The following CCSER1 variants were observed in gnomAD, a reference collection of about 807,000 sequenced individuals.
CCSER1 encodes the protein coiled-coil serine rich protein 1.
CCSER1 carries 41 observed loss-of-function variants against 82.0 expected under a neutral mutation model. The ratio of observed to expected loss-of-function variants is 0.50; its 90% confidence interval spans 0.39 to 0.65. The LOEUF is 0.65. Among genes scored for constraint, CCSER1 ranks in the 30% least tolerant of loss-of-function variants. The probability of loss-of-function intolerance (pLI) is 0.00; values close to 1 mark genes in which losing one functional copy is unlikely to be tolerated. For synonymous variants in CCSER1, 414 were observed against 383.9 expected (o/e 1.08, Z -0.92); for missense variants, 1,119 against 1,064.2 (o/e 1.05, Z -0.72).
intron 10 of CCSER1, among the ~76,000 whole-genome samples, chr4:91,463,358 C>T (rs1253708530): frequency 6.6e-6 from 1 of 152,068 alleles, no homozygotes; most frequent in Non-Finnish European, 1.5e-5. Flanking sequence ...CCCATCTGGA[C>T]GTCACCATCA....
In CCSER1 at chr4:91,513,421, T is replaced by A. The variant is rs56770336; in HGVS notation, c.2218-85151T>A. Among the ~76,000 whole-genome samples the A allele has an allele frequency of 1.1e-3, 166 of 152,250 alleles. 1 individual carries two copies. The highest frequency in any genetic ancestry group is 3.8e-3 in the African/African-American group (158 of 41,576). ...TCAGCAGGGATATTAGCCTGTGGTT[T>A]TCCTTTTCCCATGAGTCTTTGCCAG... is the stretch of plus-strand genomic sequence containing the variant. On this transcript the variant is annotated intron_variant, in intron 10 of 10. Coordinates refer to ENST00000509176, the MANE Select transcript of CCSER1 (RefSeq NM_001145065.2).
chr4:91,522,919 G>C lies in CCSER1; in HGVS notation c.2218-75653G>C, dbSNP rs569134962. On this transcript the variant is annotated intron_variant, in intron 10 of 10. Transcript: ENST00000509176. The stretch of plus-strand genomic sequence containing the variant: ...GAACTTCCAATACTATGTTGAATAA[G>C]AGTGGTGAGAGAGGGCATCCCTGTC... 2.0e-4 allele frequency among the ~76,000 whole-genome samples: 31 copies of C among 152,264 alleles called. 1 individual carries two copies. In the South Asian group the frequency reaches 5.8e-3, roughly 28 times the overall value.
chr4:90,134,569 G>A (rs555569908), intron 1 of CCSER1, among the ~76,000 whole-genome samples: 4 of 152,288 alleles, frequency 2.6e-5, no homozygotes, highest in East Asian at 1.9e-4. Flanking sequence ...GAATGTGTGC[G>A]TTCATGCAGA....
chr4:90,994,142 T>C (rs1481945022), intron 9 of CCSER1, among the ~76,000 whole-genome samples: 2 of 151,902 alleles, frequency 1.3e-5, no homozygotes, highest in Non-Finnish European at 2.9e-5. Context: ...GAGGCTGTAG[T>C]GCATTATCAT....
chr4:90,761,118 C>G (rs1750347504), intron 7 of CCSER1, among the ~76,000 whole-genome samples: 1 of 152,088 alleles, frequency 6.6e-6, no homozygotes, highest in Non-Finnish European at 1.5e-5. Context: ...CCTTAACAGT[C>G]ACTGATAGAT....
intron 3 of CCSER1, among the ~76,000 whole-genome samples, chr4:90,380,596 A>G (rs984837202): frequency 2.0e-5 from 3 of 152,188 alleles, no homozygotes; most frequent in African/African-American, 7.2e-5. Flanking sequence ...CAAGTTATTT[A>G]TTCCCTTATT....
chr4:91,107,686 G>T (rs1160339782), intron 10 of CCSER1, among the ~76,000 whole-genome samples: 2 of 143,056 alleles, frequency 1.4e-5, no homozygotes, highest in African/African-American at 5.2e-5. Flanking sequence ...AAATTCGAAT[G>T]ATAAAAGCAC....
intron 10 of CCSER1, among the ~76,000 whole-genome samples, chr4:91,210,328 C>T (rs1340617870): frequency 1.3e-5 from 2 of 150,786 alleles, no homozygotes; most frequent in East Asian, 3.9e-4. Context: ...ATCTATGCTG[C>T]TATCAGTAAA....
intron 10 of CCSER1, among the ~76,000 whole-genome samples, chr4:91,266,408 T>C (rs1741587075): frequency 6.6e-6 from 1 of 152,100 alleles, no homozygotes; most frequent in Non-Finnish European, 1.5e-5. Flanking sequence ...CCCGCCACCA[T>C]GCCCTGCTAA....
chr4:90,600,877 A>C (rs7666019), intron 5 of CCSER1, among the ~76,000 whole-genome samples: 76,303 of 151,676 alleles, frequency 0.5, 23,336 homozygotes, highest in African/African-American at 0.87. Context: ...TCTTTATATA[A>C]GCAATATTTT....
chr4:90,363,207 A>C (rs930911649), intron 3 of CCSER1, among the ~76,000 whole-genome samples: 2 of 152,188 alleles, frequency 1.3e-5, no homozygotes, highest in African/African-American at 4.8e-5. Context: ...TACAAATTCT[A>C]GATTGCTTCT....
At position 91,049,774 on chromosome 4, in the gene CCSER1, T is replaced by G. The variant is rs189725601; in HGVS notation, c.2173-36176T>G. On this transcript the variant is annotated intron_variant, in intron 9 of 10. Coordinates refer to ENST00000509176, the MANE Select transcript of CCSER1 (RefSeq NM_001145065.2). ...GTAGATGATTAACAAGTATCAATTT[T>G]ATGCAATTTTATGAAATACTTCTTT... Among the ~76,000 whole-genome samples the G allele has an allele frequency of 3.9e-5, 6 of 152,364 alleles. No homozygotes were observed. In the East Asian group the frequency reaches 1.2e-3, roughly 29 times the overall value.
intron 10 of CCSER1, among the ~76,000 whole-genome samples, chr4:91,115,462 G>A (rs940668143): frequency 2.6e-5 from 4 of 152,018 alleles, no homozygotes; most frequent in Admixed American, 1.3e-4. Context: ...AAGTGGTTGG[G>A]ACTACAGGTG....
At chr4:90,658,274 T>TA (rs1730100569) in intron 6 of CCSER1, among the ~76,000 whole-genome samples, 1 of 152,192 alleles carries the variant, frequency 6.6e-6, no homozygotes, top group East Asian at 1.9e-4. Flanking sequence ...CTAACATTAT[T>TA]AACTTTCTGC....
chr4:91,482,174 G>A (rs1466877515), intron 10 of CCSER1, among the ~76,000 whole-genome samples: 12 of 148,648 alleles, frequency 8.1e-5, no homozygotes, highest in African/African-American at 1.5e-4. Context: ...AGGCTGAGGC[G>A]GGTGGATCAT....
At chr4:90,879,564 AGAAGAGGAAGAAGAAGAAGAGGAG>A (rs1423966122) in intron 8 of CCSER1, among the ~76,000 whole-genome samples, 3 of 91,528 alleles carry the variant, frequency 3.3e-5, no homozygotes, top group Non-Finnish European at 5.0e-5. Flanking sequence ...AGGAAGAAGA[AGAAGAGGAAGAAGAAGAAGAGGAG>A]GAGGAGGAGG....
At chr4:90,484,911 A>T (rs1383370281) in intron 5 of CCSER1, among the ~76,000 whole-genome samples, 1 of 152,204 alleles carries the variant, frequency 6.6e-6, no homozygotes, top group Admixed American at 6.5e-5. Flanking sequence ...GCTGTCAGAC[A>T]GGGACATTTA....
At chr4:91,291,394 CG>C (rs1743731903) in intron 10 of CCSER1, among the ~76,000 whole-genome samples, 2 of 151,870 alleles carry the variant, frequency 1.3e-5, no homozygotes, top group Admixed American at 1.3e-4. Context: ...CGCACTGCTA[CG>C]AAGAAACACC....
Position 91,093,833 on chromosome 4 carries a change from C to A in CCSER1, c.2217+7839C>A, listed in dbSNP as rs574146387. On this transcript the variant is annotated intron_variant, in intron 10 of 10. Coordinates refer to ENST00000509176, the MANE Select transcript of CCSER1 (RefSeq NM_001145065.2). Reference sequence around the variant, plus strand: ...TCCCCATTCAAAAGGCTCCCAGTTGCCCCCCTTTGTAACCCCATACAACGG... The same window carrying A: ...TCCCCATTCAAAAGGCTCCCAGTTGACCCCCTTTGTAACCCCATACAACGG... Among the ~76,000 whole-genome samples the A allele has an allele frequency of 1.8e-4, 27 of 152,298 alleles. 1 individual carries two copies. The South Asian group carries it at 5.6e-3, about 32-fold the overall frequency.
Sources: gnomAD v4.1 joint callset for allele counts (sites outside exome capture counted in the v4.1 genomes callset) on GRCh38, gnomAD v4.1.1 for gene constraint, MANE v1.5 for transcripts, NCBI Gene and HGNC (gene_info 2026-07-23, HGNC 2026-07-21) for gene names.